Variants in RTRAF observed in about 807,000 individuals in gnomAD.
RTRAF encodes the protein RNA transcription, translation and transport factor, also known as tRNA-splicing ligase complex subunit RTRAF.
Under a neutral mutation model 34.4 loss-of-function variants are expected in RTRAF, and 14 were observed. The ratio of observed to expected loss-of-function variants is 0.41; its 90% confidence interval spans 0.27 to 0.64. The LOEUF is 0.64. Ranked by LOEUF, RTRAF falls within the 30% of genes least tolerant of loss-of-function variation. RTRAF has a pLI of 0.34. For missense variants in RTRAF, 291 were observed against 288.4 expected (o/e 1.01, Z -0.06); for synonymous variants, 96 against 95.3 (o/e 1.01, Z -0.04).
At position 52,006,344 on chromosome 14, in the gene RTRAF, A is replaced by G. The variant is rs1594993431; in HGVS notation, c.*1828A>G. ...TACCATTCGATTTCTGGGTGAAGTA[A>G]AAGGATGATTTCAAAAACATGAAAG... On this transcript the variant is annotated 3_prime_UTR_variant, in exon 8 of 8. Coordinates refer to ENST00000261700, the MANE Select transcript of RTRAF (RefSeq NM_016039.3). 2 of 588,140 alleles carry G rather than the reference A, an allele frequency of 3.4e-6. No homozygotes were observed. The highest frequency in any genetic ancestry group is 5.9e-5 in the East Asian group (2 of 33,616). 36.4% of individuals were successfully genotyped at this position (588,140 alleles called of 1,614,324 possible).
rs768543963 is a variant in RTRAF, at chr14:52,009,357, G to C, written c.*4841G>C. 1 of 152,142 alleles carries C rather than the reference G, an allele frequency of 6.6e-6. No individual in the cohort carries two copies. The highest frequency in any genetic ancestry group is 1.5e-5 in the Non-Finnish European group (1 of 68,036). The allele number at this position is 152,142 out of a possible 1,614,324, so 9.4% of individuals were successfully genotyped here. A position where few individuals can be genotyped will look rare whatever the true frequency, so the allele number is the denominator to read the frequency against. On this transcript the variant is annotated 3_prime_UTR_variant, in exon 8 of 8. Coordinates refer to ENST00000261700, the MANE Select transcript of RTRAF (RefSeq NM_016039.3). ...CAGATATTTGGTGTAAATTATTTGG[G>C]GATTGCCAGAGGAAGAAAGTTGTAA...
In RTRAF at chr14:52,008,820, A is replaced by G. The variant is rs1391897705; in HGVS notation, c.*4304A>G. 4 of 152,240 alleles carry G rather than the reference A, an allele frequency of 2.6e-5. No individual in the cohort carries two copies. The highest frequency in any genetic ancestry group is 1.9e-4 in the East Asian group (1 of 5,200). The allele number at this position is 152,240 out of a possible 1,614,324, so 9.4% of individuals were successfully genotyped here. ...AAGGAAACTGTTCTTTCTTCTGCCA[A>G]AAATACAATTTGGTACTTGAAGGGG... On this transcript the variant is annotated 3_prime_UTR_variant, in exon 8 of 8. Coordinates refer to ENST00000261700, the MANE Select transcript of RTRAF (RefSeq NM_016039.3).
In RTRAF at chr14:52,004,503, A is replaced by AAGTT. The variant is rs1317130863; in HGVS notation, c.723_726dup (p.Gly243SerfsTer7). On this transcript the variant is annotated frameshift_variant, in exon 8 of 8. Coordinates refer to ENST00000261700, the MANE Select transcript of RTRAF (RefSeq NM_016039.3). LOFTEE classifies it high-confidence loss of function. ...CCAAAGACAGACCACAGACTGGGAA[A>AAGTT]AGTTGGAAGATGAACACTTGAGGAC... 6.2e-7 allele frequency: 1 copy of AAGTT among 1,613,160 alleles called. No individual in the cohort carries two copies. Among genetic ancestry groups the AAGTT allele is most frequent in the Admixed American group, 1.7e-5 (1 of 59,948 alleles).
intron 6 of RTRAF, among the ~76,000 whole-genome samples, chr14:52,002,424 C>T (rs762407503): frequency 5.3e-5 from 8 of 152,104 alleles, no homozygotes; most frequent in Non-Finnish European, 7.4e-5. Flanking sequence ...AGGGTCCATG[C>T]GTGGATGTCT....
intron 1 of RTRAF, among the ~76,000 whole-genome samples, chr14:51,989,971 A>T (rs1452851052): frequency 6.6e-6 from 1 of 152,232 alleles, no homozygotes; most frequent in Non-Finnish European, 1.5e-5. Flanking sequence ...TGTACATAAA[A>T]GGGAGAGCAT....
rs1890560040 is a variant in RTRAF at position 51,998,717 on chromosome 14, A to AT, written c.373+141dup. On this transcript the variant is annotated intron_variant, in intron 4 of 7. Coordinates refer to ENST00000261700, the MANE Select transcript of RTRAF (RefSeq NM_016039.3). ...CCATGCAGACAGCATTTATGTTAAC[A>AT]TTTTATTCTCTATAATGTTTTTATG... 2.7e-5 allele frequency: 13 copies of AT among 473,878 alleles called. No homozygotes were observed. In the South Asian group the frequency reaches 5.2e-4, roughly 19 times the overall value. The allele number at this position is 473,878 out of a possible 1,614,324, so 29.4% of individuals were successfully genotyped here.
At chr14:51,994,169 T>C (rs896449835) in intron 3 of RTRAF, among the ~76,000 whole-genome samples, 31 of 152,248 alleles carry the variant, frequency 2.0e-4, no homozygotes, top group Non-Finnish European at 1.6e-4. Flanking sequence ...CTCAAAAGAC[T>C]GAAACATGTC....
In RTRAF at chr14:52,007,868, T is replaced by C. The variant is rs143673880; in HGVS notation, c.*3352T>C. On this transcript the variant is annotated 3_prime_UTR_variant, in exon 8 of 8. Coordinates refer to ENST00000261700, the MANE Select transcript of RTRAF (RefSeq NM_016039.3). ...GGTCAAAGGTTAAGCCATTGGGCAA[T>C]CCAATGTCTGTATTGATCAGAATTC... 253 of 1,613,366 alleles carry C rather than the reference T, an allele frequency of 1.6e-4. No homozygotes were observed. Among genetic ancestry groups the C allele is most frequent in the Non-Finnish European group, 2.0e-4 (230 of 1,179,454 alleles).
Position 52,004,227 on chromosome 14 carries a change from G to A in RTRAF, c.565G>A (p.Gly189Ser), listed in dbSNP as rs150028911. 18 of 1,613,058 alleles carry A rather than the reference G, an allele frequency of 1.1e-5. No homozygotes were observed. The highest frequency in any genetic ancestry group is 3.3e-5 in the Admixed American group (2 of 59,932). The change falls in exon 7 of 8, where the codon GGT becomes AGT. Residue 189 changes from glycine to serine, a missense_variant. Physicochemically the swap from Gly to Ser is moderately conservative, Grantham distance 56. Transcript: ENST00000261700. The part of the protein sequence containing the change: ...LPVALDKHIL[G>S]FDTGDAVLNE... ...TGTTGCTTTAGACAAACATATTCTTGGTTTTGACACAGGAGGTAAGTGATT... is the reference window on the plus strand; with the variant it reads ...TGTTGCTTTAGACAAACATATTCTTAGTTTTGACACAGGAGGTAAGTGATT...
intron 6 of RTRAF, among the ~76,000 whole-genome samples, chr14:52,003,771 A>AAAGAC (rs1405319285): frequency 1.1e-4 from 17 of 152,346 alleles, no homozygotes; most frequent in Non-Finnish European, 2.2e-4. Flanking sequence ...TACAATTTGT[A>AAAGAC]AAGACAAATT....
At chr14:52,001,940 A>G in intron 6 of RTRAF, 74 bp downstream of exon 6, 2 of 1,263,588 alleles carry the variant, frequency 1.6e-6, no homozygotes, top group Admixed American at 2.2e-5. Flanking sequence ...TAAACTTTGC[A>G]TGTATCTGTT....
rs556845401 is a variant in RTRAF, at chr14:52,003,084, G to A, written c.532-1110G>A. Among the ~76,000 whole-genome samples the A allele has an allele frequency of 1.7e-4, 26 of 152,256 alleles. No homozygotes were observed. In the South Asian group the frequency reaches 5.0e-3, roughly 29 times the overall value. ...TAGCCAAATCTCTTTGCTCTTGTTT[G>A]TAAAGTAAAATTTAGTTTTATTTTT... On this transcript the variant is annotated intron_variant, in intron 6 of 7. Coordinates refer to ENST00000261700, the MANE Select transcript of RTRAF (RefSeq NM_016039.3).
chr14:51,997,004 TAGG>T (rs770468820), intron 3 of RTRAF, among the ~76,000 whole-genome samples: 1 of 151,938 alleles, frequency 6.6e-6, no homozygotes, highest in Admixed American at 6.6e-5. Context: ...ATACTTTTGT[TAGG>T]AGTAACACAG....
Position 52,006,051 on chromosome 14 carries a change from G to A in RTRAF, c.*1535G>A. ...CTCTAGCTGCATGTTAGAATCACAT[G>A]ATGAGCTATCAAATCAGAGTTGTAG... On this transcript the variant is annotated 3_prime_UTR_variant, in exon 8 of 8. Coordinates refer to ENST00000261700, the MANE Select transcript of RTRAF (RefSeq NM_016039.3). 1 of 560,992 alleles carries A rather than the reference G, an allele frequency of 1.8e-6. No individual in the cohort carries two copies. The highest frequency in any genetic ancestry group is 3.2e-6 in the Non-Finnish European group (1 of 310,560). 34.8% of individuals were successfully genotyped at this position (560,992 alleles called of 1,614,324 possible).
intron 3 of RTRAF, among the ~76,000 whole-genome samples, chr14:51,996,529 A>G (rs560769906): frequency 6.6e-6 from 1 of 152,238 alleles, no homozygotes; most frequent in East Asian, 1.9e-4. Context: ...TAGAAAAATT[A>G]CAAAATAGTA....
intron 6 of RTRAF, among the ~76,000 whole-genome samples, chr14:52,002,764 G>A (rs1318403537): frequency 1.3e-5 from 2 of 152,096 alleles, no homozygotes; most frequent in African/African-American, 2.4e-5. Flanking sequence ...TGTCCTCCCT[G>A]CGCCCTTCCC....
intron 7 of RTRAF, 53 bp from the exon 8 acceptor site, chr14:52,004,309 G>A: frequency 7.5e-7 from 1 of 1,341,206 alleles, no homozygotes; most frequent in African/African-American, 1.7e-5. Flanking sequence ...GAAATAAATG[G>A]CCTTAAATGT....
At chr14:51,995,573 G>T (rs777077133) in intron 3 of RTRAF, among the ~76,000 whole-genome samples, 8 of 152,022 alleles carry the variant, frequency 5.3e-5, no homozygotes, top group Non-Finnish European at 1.0e-4. Context: ...GGACATCTTG[G>T]GGGGTACAGG....
chr14:52,004,281 A>AGAC (rs1226760910), intron 7 of RTRAF, 39 bp downstream of exon 7: 3 of 1,597,226 alleles, frequency 1.9e-6, no homozygotes, highest in Admixed American at 3.5e-5. Flanking sequence ...TTTTTTTTAC[A>AGAC]GACTGAATAC....
Sources: gnomAD v4.1 joint callset for allele counts (sites outside exome capture counted in the v4.1 genomes callset) on GRCh38, gnomAD v4.1.1 for gene constraint, MANE v1.5 for transcripts, NCBI Gene and HGNC (gene_info 2026-07-23, HGNC 2026-07-21) for gene names.